The following CFH variants were observed in gnomAD, a reference collection of about 807,000 sequenced individuals.
CFH encodes complement factor H.
Under a neutral mutation model 147.3 loss-of-function variants are expected in CFH, and 53 were observed. That is an observed-to-expected ratio of 0.36 (90% CI 0.29 to 0.45). The LOEUF is 0.45. CFH is among the 20% of genes least tolerant of loss of function. The pLI, the probability that CFH is intolerant of heterozygous loss-of-function variation, is 1.00. For synonymous variants in CFH, 536 were observed against 489.4 expected (o/e 1.10, Z -1.26); for missense variants, 1,380 against 1,498.0 (o/e 0.92, Z 1.30).
intron 9 of CFH, chr1:196,701,416 G>C: frequency 6.3e-7 from 1 of 1,599,476 alleles, no homozygotes; most frequent in Non-Finnish European, 8.6e-7. Context: ...GTCTTGCCAG[G>C]TCAATACTTG....
At chr1:196,733,001 C>A (rs1022320194) in intron 15 of CFH, among the ~76,000 whole-genome samples, 21 of 152,018 alleles carry the variant, frequency 1.4e-4, no homozygotes, top group Admixed American at 9.9e-4. Context: ...TGATGTAGGG[C>A]CTTTCAGGAA....
rs1667342107 is a variant in CFH at position 196,673,176 on chromosome 1, T to C, written c.244+13T>C. On this transcript the variant is annotated intron_variant, in intron 2 of 21. Coordinates refer to ENST00000367429, the MANE Select transcript of CFH (RefSeq NM_000186.4). ...AGGAAATGTCAGAGTAAGTACTTAATACATTTGTGAAATTTATGAAAACTA... is the reference window on the plus strand; with the variant it reads ...AGGAAATGTCAGAGTAAGTACTTAACACATTTGTGAAATTTATGAAAACTA... The C allele has an allele frequency of 6.2e-7, 1 of 1,608,232 alleles. No homozygotes were observed. The highest frequency in any genetic ancestry group is 1.3e-5 in the African/African-American group (1 of 74,682).
In CFH at chr1:196,652,062, AACT is replaced by A; in HGVS notation, c.-55_-53del. On this transcript the variant is annotated 5_prime_UTR_variant, in exon 1 of 22. Coordinates refer to ENST00000367429, the MANE Select transcript of CFH (RefSeq NM_000186.4). ...CTAATCACAATTCTTGGAAGAGGAG[AACT>A]GGACGTTGTGAACAGAGTTAGCTGG... The A allele has an allele frequency of 8.2e-7, 1 of 1,213,922 alleles. No individual in the cohort carries two copies. The highest frequency in any genetic ancestry group is 1.2e-6 in the Non-Finnish European group (1 of 815,528). The allele number at this position is 1,213,922 out of a possible 1,614,324, so 75.2% of individuals were successfully genotyped here.
intron 6 of CFH, among the ~76,000 whole-genome samples, chr1:196,680,338 T>C (rs968951607): frequency 1.3e-5 from 2 of 150,162 alleles, no homozygotes; most frequent in African/African-American, 4.9e-5. Flanking sequence ...ACCTCTCAAC[T>C]TTCATTATGG....
intron 18 of CFH, chr1:196,741,627 T>C: frequency 2.1e-6 from 1 of 466,120 alleles, no homozygotes. Context: ...AAATGTGTAA[T>C]CTCAATTGCT....
chr1:196,699,402 G>A (rs953109326), intron 9 of CFH, among the ~76,000 whole-genome samples: 3 of 152,084 alleles, frequency 2.0e-5, no homozygotes, highest in Non-Finnish European at 4.4e-5. Context: ...TTCCATTACG[G>A]AATTTTGAGA....
chr1:196,743,363 T>C (rs757741201), intron 19 of CFH, 89 bp from the exon 20 acceptor site: 1 of 1,528,066 alleles, frequency 6.5e-7, no homozygotes, highest in Non-Finnish European at 9.0e-7. Flanking sequence ...TATTTTAAAT[T>C]CGTCTTGAAA....
At chr1:196,698,888 G>T (rs968844942) in intron 9 of CFH, among the ~76,000 whole-genome samples, 1 of 152,160 alleles carries the variant, frequency 6.6e-6, no homozygotes, top group East Asian at 1.9e-4. Context: ...TGAGCAAGTC[G>T]CCATTATCTC....
intron 2 of CFH, chr1:196,673,424 C>G (rs1003912289): frequency 1.4e-4 from 62 of 450,092 alleles, no homozygotes; most frequent in South Asian, 1.8e-4. Flanking sequence ...GCAACCTCTG[C>G]CTCCCTGGTT....
chr1:196,733,519 T>C (rs896436501), intron 15 of CFH, among the ~76,000 whole-genome samples: 2 of 152,058 alleles, frequency 1.3e-5, no homozygotes, highest in Admixed American at 1.3e-4. Flanking sequence ...TTTTTGAGGA[T>C]AAACAGGGGA....
chr1:196,671,190 A>G (rs514591), intron 1 of CFH, among the ~76,000 whole-genome samples: 60,172 of 151,754 alleles, frequency 0.4, 15,105 homozygotes, highest in African/African-American at 0.71. Context: ...TTAAATTTTC[A>G]TTTCTATATT....
chr1:196,724,488 G>C (rs971865342), intron 11 of CFH, among the ~76,000 whole-genome samples: 1 of 152,098 alleles, frequency 6.6e-6, no homozygotes, highest in East Asian at 1.9e-4. Flanking sequence ...TGATGGCTTG[G>C]ATCCACACGG....
intron 9 of CFH, among the ~76,000 whole-genome samples, chr1:196,709,579 A>G (rs1194315233): frequency 6.6e-6 from 1 of 152,180 alleles, no homozygotes; most frequent in Non-Finnish European, 1.5e-5. Flanking sequence ...ATTAAGGGGG[A>G]AAAATTCAAC....
intron 7 of CFH, among the ~76,000 whole-genome samples, chr1:196,685,710 G>T (rs34137105): frequency 1.3e-5 from 2 of 152,024 alleles, no homozygotes; most frequent in Non-Finnish European, 2.9e-5. Flanking sequence ...AGAAGGCTTG[G>T]CTGGGAAGGA....
chr1:196,668,459 T>C (rs1481711319), intron 1 of CFH, among the ~76,000 whole-genome samples: 1 of 152,144 alleles, frequency 6.6e-6, no homozygotes, highest in Non-Finnish European at 1.5e-5. Flanking sequence ...AAAAAATGTT[T>C]CCTCTGTCTG....
intron 9 of CFH, among the ~76,000 whole-genome samples, 179 bp from the exon 10 acceptor site, chr1:196,713,556 A>T (rs1420512369): frequency 6.6e-6 from 1 of 152,142 alleles, no homozygotes; most frequent in South Asian, 2.1e-4. Flanking sequence ...AAGAGTCTTG[A>T]TGTAATGTCT....
At chr1:196,738,673 C>T (rs1573077838) in intron 17 of CFH, among the ~76,000 whole-genome samples, 1 of 152,092 alleles carries the variant, frequency 6.6e-6, no homozygotes, top group East Asian at 1.9e-4. Context: ...GTGGCTTTGT[C>T]CCCCTCCTGG....
Position 196,725,219 on chromosome 1 carries a change from C to T in CFH, c.1795C>T (p.Pro599Ser), listed in dbSNP as rs781365948. The T allele has an allele frequency of 2.5e-6, 4 of 1,613,736 alleles. No individual in the cohort carries two copies. Among genetic ancestry groups the T allele is most frequent in the Non-Finnish European group, 3.4e-6 (4 of 1,179,838 alleles). Residue 599 changes from proline to serine, a missense_variant, in exon 12 of 22, where the codon CCA (proline) becomes TCA (serine). Transcript: ENST00000367429. ...AGAGGTGTTGAAATTCTCCTGCAAA[C>T]CAGGATTTACAATAGTTGGACCTAA... The part of the protein sequence containing the change: ...VGEVLKFSCK[P>S]GFTIVGPNSV...
At chr1:196,722,006 C>A (rs1366705606) in intron 11 of CFH, among the ~76,000 whole-genome samples, 1 of 151,998 alleles carries the variant, frequency 6.6e-6, no homozygotes, top group Non-Finnish European at 1.5e-5. Context: ...GTCCACAAAT[C>A]TATATCTTTT....
Sources: gnomAD v4.1 joint callset for allele counts (sites outside exome capture counted in the v4.1 genomes callset) on GRCh38, gnomAD v4.1.1 for gene constraint, MANE v1.5 for transcripts, NCBI Gene and HGNC (gene_info 2026-07-23, HGNC 2026-07-21) for gene names.